Variants in SLC9A9 observed in about 807,000 individuals in gnomAD.
SLC9A9 encodes sodium/hydrogen exchanger 9.
A neutral mutation model predicts 77.8 loss-of-function variants in SLC9A9; 62 were observed. The ratio of observed to expected loss-of-function variants is 0.80; its 90% CI spans 0.65 to 0.98. SLC9A9 has a LOEUF of 0.98. Ranked by LOEUF, SLC9A9 falls within the 50% of genes least tolerant of loss-of-function variation. SLC9A9 has a pLI of 0.00. For missense variants in SLC9A9, 775 were observed against 774.9 expected (o/e 1.00, Z 0.00); for synonymous variants, 320 against 283.5 (o/e 1.13, Z -1.29).
intron 2 of SLC9A9, among the ~76,000 whole-genome samples, chr3:143,819,455 G>A (rs1053010013): frequency 1.3e-5 from 2 of 152,162 alleles, no homozygotes; most frequent in African/African-American, 4.8e-5. Flanking sequence ...TGAACTTGGA[G>A]TCAGAAGCCC....
At chr3:143,475,328 G>A (rs1285949300) in intron 11 of SLC9A9, among the ~76,000 whole-genome samples, 1 of 151,934 alleles carries the variant, frequency 6.6e-6, no homozygotes, top group East Asian at 1.9e-4. Flanking sequence ...TGGTCTTTAA[G>A]ATCTGTCTTT....
At chr3:143,551,128 G>T (rs546766992) in intron 9 of SLC9A9, among the ~76,000 whole-genome samples, 1 of 152,118 alleles carries the variant, frequency 6.6e-6, no homozygotes, top group Non-Finnish European at 1.5e-5. Flanking sequence ...GAACACTAAG[G>T]CAGAGATTGG....
intron 9 of SLC9A9, among the ~76,000 whole-genome samples, chr3:143,532,461 T>G (rs186317744): frequency 1.3e-4 from 20 of 152,306 alleles, no homozygotes; most frequent in African/African-American, 4.6e-4. Flanking sequence ...CTTTTTTTGT[T>G]TAAAAATATC....
intron 14 of SLC9A9, among the ~76,000 whole-genome samples, chr3:143,273,282 C>G (rs529606054): frequency 2.0e-5 from 3 of 152,232 alleles, no homozygotes; most frequent in South Asian, 2.1e-4. Flanking sequence ...TGCATCCCCC[C>G]ACCCTCTAAC....
intron 14 of SLC9A9, among the ~76,000 whole-genome samples, chr3:143,329,455 T>C (rs1374193143): frequency 6.6e-6 from 1 of 152,210 alleles, no homozygotes; most frequent in African/African-American, 2.4e-5. Flanking sequence ...TTTGAAATCA[T>C]TGGTTAGCAA....
At chr3:143,530,837 G>GAAA (rs1368124485) in intron 9 of SLC9A9, among the ~76,000 whole-genome samples, 2 of 152,162 alleles carry the variant, frequency 1.3e-5, no homozygotes, top group African/African-American at 4.8e-5. Context: ...TGAATTCATT[G>GAAA]AAAAATTGCC....
intron 14 of SLC9A9, among the ~76,000 whole-genome samples, chr3:143,309,431 AAAG>A (rs2030936606): frequency 1.3e-5 from 2 of 151,080 alleles, no homozygotes; most frequent in East Asian, 1.9e-4. Flanking sequence ...AAAAAAAAAA[AAAG>A]GTTCATTTGG....
intron 4 of SLC9A9, among the ~76,000 whole-genome samples, chr3:143,747,652 C>T (rs902069985): frequency 1.5e-4 from 23 of 152,090 alleles, no homozygotes; most frequent in African/African-American, 4.8e-4. Context: ...GGAATGCCAG[C>T]GGCTGCCAGA....
chr3:143,538,077 C>T (rs1032726376), intron 9 of SLC9A9, among the ~76,000 whole-genome samples: 1 of 152,210 alleles, frequency 6.6e-6, no homozygotes, highest in Admixed American at 6.5e-5. Flanking sequence ...AAAGTGTTTT[C>T]TGCCTAGAAC....
intron 12 of SLC9A9, among the ~76,000 whole-genome samples, chr3:143,384,876 T>TAA (rs1379504348): frequency 5.3e-5 from 8 of 152,156 alleles, no homozygotes; most frequent in Admixed American, 5.2e-4. Context: ...GAGGATAATA[T>TAA]AAAAAATGTA....
intron 6 of SLC9A9, among the ~76,000 whole-genome samples, chr3:143,603,658 G>A (rs2037880038): frequency 6.6e-6 from 1 of 152,190 alleles, no homozygotes; most frequent in African/African-American, 2.4e-5. Flanking sequence ...GCAACCTCAT[G>A]AGAGACCATA....
At chr3:143,457,223 G>A (rs2035110239) in intron 12 of SLC9A9, among the ~76,000 whole-genome samples, 1 of 152,026 alleles carries the variant, frequency 6.6e-6, no homozygotes, top group Admixed American at 6.6e-5. Flanking sequence ...TCCCTATGTT[G>A]CTCAGACTGC....
At chr3:143,733,045 C>T (rs1934848721) in intron 4 of SLC9A9, among the ~76,000 whole-genome samples, 1 of 152,088 alleles carries the variant, frequency 6.6e-6, no homozygotes, top group Admixed American at 6.6e-5. Context: ...TGGCTGTTTG[C>T]ATTTTTCCCA....
chr3:143,751,554 G>C (rs945577744), intron 4 of SLC9A9, among the ~76,000 whole-genome samples: 5 of 152,064 alleles, frequency 3.3e-5, no homozygotes, highest in Non-Finnish European at 4.4e-5. Context: ...CCACTCCTTG[G>C]GGTCAGCTGG....
intron 8 of SLC9A9, among the ~76,000 whole-genome samples, chr3:143,562,770 C>A (rs1268909773): frequency 6.6e-6 from 1 of 151,668 alleles, no homozygotes; most frequent in Admixed American, 6.6e-5. Context: ...GCAACTCTTA[C>A]TTTACATGTC....
chr3:143,694,327 A>G (rs1933564654), intron 4 of SLC9A9, among the ~76,000 whole-genome samples: 1 of 152,176 alleles, frequency 6.6e-6, no homozygotes, highest in South Asian at 2.1e-4. Flanking sequence ...AGGCTCTACT[A>G]TCTACTATCT....
At chr3:143,499,948 C>CT (rs1405784846) in intron 9 of SLC9A9, among the ~76,000 whole-genome samples, 1 of 152,046 alleles carries the variant, frequency 6.6e-6, no homozygotes, top group Non-Finnish European at 1.5e-5. Flanking sequence ...ATATATTAAC[C>CT]TTTTTTATAT....
intron 6 of SLC9A9, chr3:143,627,532 G>T: frequency 3.4e-6 from 1 of 296,980 alleles, no homozygotes; most frequent in Non-Finnish European, 6.6e-6. Context: ...CAGAGGCGGT[G>T]ACTCGCAGCA....
intron 4 of SLC9A9, among the ~76,000 whole-genome samples, chr3:143,734,775 G>A (rs1404441436): frequency 6.6e-6 from 1 of 150,940 alleles, no homozygotes; most frequent in Non-Finnish European, 1.5e-5. Context: ...CTTCTACAGA[G>A]AGATTCATCA....
Sources: gnomAD v4.1 joint callset for allele counts (sites outside exome capture counted in the v4.1 genomes callset) on GRCh38, gnomAD v4.1.1 for gene constraint, MANE v1.5 for transcripts, NCBI Gene and HGNC (gene_info 2026-07-23, HGNC 2026-07-21) for gene names.